Variants in VRK2 observed in about 807,000 individuals in gnomAD.
VRK2 encodes the protein serine/threonine-protein kinase VRK2.
Under a neutral mutation model 57.6 loss-of-function variants are expected in VRK2, and 60 were observed. The ratio of observed to expected loss-of-function variants is 1.04; its 90% CI spans 0.85 to 1.29. The LOEUF (loss-of-function observed/expected upper bound fraction) is 1.29, where lower values mean the gene tolerates loss of function less well. Among genes scored for constraint, VRK2 ranks in the 50% most tolerant of loss-of-function variants. VRK2 has a pLI of 0.00. For missense variants in VRK2, 705 were observed against 588.1 expected (o/e 1.20, Z -2.06); for synonymous variants, 231 against 199.2 (o/e 1.16, Z -1.35).
At chr2:58,054,570 GAA>G (rs1231832261) in intron 2 of VRK2, among the ~76,000 whole-genome samples, 1 of 152,016 alleles carries the variant, frequency 6.6e-6, no homozygotes, top group African/African-American at 2.4e-5. Flanking sequence ...AGATAAGGAA[GAA>G]GAGGAATAAA....
intron 1 of VRK2, among the ~76,000 whole-genome samples, chr2:57,953,454 T>C (rs1671489282): frequency 6.6e-6 from 1 of 152,154 alleles, no homozygotes; most frequent in Non-Finnish European, 1.5e-5. Context: ...GTAGTTCCAG[T>C]AATTAAAAAA....
intron 2 of VRK2, among the ~76,000 whole-genome samples, chr2:58,059,106 A>G (rs757537308): frequency 6.6e-6 from 1 of 152,044 alleles, no homozygotes; most frequent in African/African-American, 2.4e-5. Context: ...TATGTTTTTG[A>G]TATTATTAAG....
At chr2:57,958,155 G>A (rs1671643135) in intron 1 of VRK2, among the ~76,000 whole-genome samples, 1 of 152,076 alleles carries the variant, frequency 6.6e-6, no homozygotes, top group South Asian at 2.1e-4. Context: ...AGGAGCTAAA[G>A]TAAAACACAA....
At position 58,051,782 on chromosome 2, in the gene VRK2, G is replaced by A. The variant is rs75122164; in HGVS notation, c.136+2815G>A. ...ACAGTTAAGGGGAAGGGGCAGAGAA[G>A]TTTGGTATTTACTCTTGACTTGGAG... is the stretch of plus-strand genomic sequence containing the variant. On this transcript the variant is annotated intron_variant, in intron 2 of 12. Coordinates refer to ENST00000340157, the MANE Select transcript of VRK2 (RefSeq NM_006296.7). 2.5e-4 allele frequency among the ~76,000 whole-genome samples: 38 copies of A among 152,312 alleles called. No homozygotes were observed. In the East Asian group the frequency reaches 7.1e-3, roughly 29 times the overall value.
At chr2:57,923,388 T>C (rs1401272381) in intron 1 of VRK2, among the ~76,000 whole-genome samples, 1 of 152,062 alleles carries the variant, frequency 6.6e-6, no homozygotes, top group African/African-American at 2.4e-5. Flanking sequence ...CTCACCAGTA[T>C]TTGTTATTTC....
intron 7 of VRK2, among the ~76,000 whole-genome samples, chr2:58,091,575 T>C (rs1672381102): frequency 6.6e-6 from 1 of 151,980 alleles, no homozygotes; most frequent in Non-Finnish European, 1.5e-5. Flanking sequence ...AAAAATGTAA[T>C]TGAATATTTG....
At chr2:58,010,314 A>G (rs1673380698) in intron 1 of VRK2, among the ~76,000 whole-genome samples, 1 of 152,168 alleles carries the variant, frequency 6.6e-6, no homozygotes, top group Non-Finnish European at 1.5e-5. Context: ...TTTCATGACA[A>G]ACAAGTATGA....
intron 1 of VRK2, among the ~76,000 whole-genome samples, chr2:57,992,421 G>A (rs180722910): frequency 3.2e-4 from 49 of 152,346 alleles, no homozygotes; most frequent in Non-Finnish European, 5.9e-4. Flanking sequence ...TAGGGAACAT[G>A]TACCAAGGTA....
chr2:58,036,512 TTTCTA>T, intron 3 of VRK2, among the ~76,000 whole-genome samples: 1 of 152,188 alleles, frequency 6.6e-6, no homozygotes, highest in African/African-American at 2.4e-5. Flanking sequence ...ACTCTAACTC[TTTCTA>T]TTCTATGTGC....
At chr2:58,003,904 T>G (rs1375875887) in intron 1 of VRK2, among the ~76,000 whole-genome samples, 1 of 152,168 alleles carries the variant, frequency 6.6e-6, no homozygotes, top group Non-Finnish European at 1.5e-5. Flanking sequence ...TGTTAAATCT[T>G]GTCACTGAGG....
At chr2:58,103,976 C>A (rs1674385572) in intron 7 of VRK2, among the ~76,000 whole-genome samples, 2 of 151,634 alleles carry the variant, frequency 1.3e-5, no homozygotes, top group African/African-American at 4.8e-5. Flanking sequence ...AAAACAAAAA[C>A]CATATGATTA....
intron 1 of VRK2, among the ~76,000 whole-genome samples, chr2:57,984,659 A>AT (rs1672537517): frequency 6.6e-6 from 1 of 152,134 alleles, no homozygotes; most frequent in African/African-American, 2.4e-5. Context: ...TCCTTTTAAC[A>AT]TCAGGGGAAA....
Position 58,139,799 on chromosome 2 carries a change from G to T in VRK2, c.990G>T (p.Gln330His), listed in dbSNP as rs1247503593. ...CACTGGACTTTTCCACAAAAGGACA[G>T]AGTATAAATGTCCATACTCCAAACA... is the stretch of plus-strand genomic sequence containing the variant. ...LGPLDFSTKGQSINVHTPNSQ... is the reference protein window; with the variant it reads ...LGPLDFSTKGHSINVHTPNSQ... The change falls in exon 11 of 13, where the codon CAG becomes CAT. Residue 330 changes from glutamine (Q) to histidine (H), a missense_variant. By Grantham distance (24) the Gln-to-His change is conservative. Coordinates refer to ENST00000340157, the MANE Select transcript of VRK2 (RefSeq NM_006296.7). The T allele has an allele frequency of 1.2e-6, 2 of 1,612,640 alleles. No homozygotes were observed. Among genetic ancestry groups the T allele is most frequent in the African/African-American group, 1.3e-5 (1 of 74,862 alleles).
intron 1 of VRK2, among the ~76,000 whole-genome samples, chr2:57,920,313 T>G: frequency 6.6e-6 from 1 of 152,122 alleles, no homozygotes; most frequent in South Asian, 2.1e-4. Flanking sequence ...TTATTATTCT[T>G]TAATTGAACT....
chr2:58,064,725 T>C (rs1668392372), intron 2 of VRK2, among the ~76,000 whole-genome samples: 1 of 152,104 alleles, frequency 6.6e-6, no homozygotes, highest in African/African-American at 2.4e-5. Context: ...GATTGTGCTA[T>C]AATAATAAGT....
Position 58,038,963 on chromosome 2 carries a change from G to A in VRK2, c.-6+5410G>A, listed in dbSNP as rs13389206. ...CCTAAATATCCATCTAAATAAAAAC[G>A]ATTAAATGATGATACATCTACACTA... On this transcript the variant is annotated intron_variant, in intron 3 of 15. Coordinates refer to the VRK2 transcript ENST00000417641. Among the ~76,000 whole-genome samples, 399 of 151,278 alleles carry A rather than the reference G, an allele frequency of 2.6e-3. 3 individuals are homozygous for A. Among genetic ancestry groups the A allele is most frequent in the African/African-American group, 9.1e-3 (374 of 41,202 alleles).
chr2:57,991,863 CA>C (rs1319563022), intron 1 of VRK2, among the ~76,000 whole-genome samples: 8 of 149,986 alleles, frequency 5.3e-5, no homozygotes, highest in African/African-American at 2.0e-4. Context: ...GAGGCTGAGA[CA>C]GGAGAGTTGC....
chr2:58,078,852 A>G (rs1449146083), intron 2 of VRK2, among the ~76,000 whole-genome samples: 1 of 151,892 alleles, frequency 6.6e-6, no homozygotes, highest in African/African-American at 2.4e-5. Flanking sequence ...ATTTTTTATT[A>G]TTTTAGAGAA....
At chr2:57,994,759 AAC>A (rs979447727) in intron 1 of VRK2, among the ~76,000 whole-genome samples, 1 of 152,224 alleles carries the variant, frequency 6.6e-6, no homozygotes, top group Non-Finnish European at 1.5e-5. Context: ...CTGAAAAAAA[AAC>A]ATTTTTTAGT....
Sources: allele counts gnomAD v4.1 joint callset (sites outside exome capture counted in the v4.1 genomes callset), GRCh38; gene constraint gnomAD v4.1.1; transcripts MANE v1.5; gene names NCBI Gene and HGNC (gene_info 2026-07-23, HGNC 2026-07-21).